The following SUPT5H variants were observed in gnomAD, a reference collection of about 807,000 sequenced individuals.
SUPT5H encodes the protein transcription elongation factor SPT5.
Under a neutral mutation model 142.5 loss-of-function variants are expected in SUPT5H, and 24 were observed. That is an observed-to-expected ratio of 0.17 (90% CI 0.12 to 0.24). The LOEUF is 0.24. SUPT5H is among the 10% of genes least tolerant of loss of function. SUPT5H has a pLI of 1.00. For synonymous variants in SUPT5H, 546 were observed against 553.0 expected (o/e 0.99, Z 0.18); for missense variants, 893 against 1,471.8 (o/e 0.61, Z 6.43).
intron 2 of SUPT5H, among the ~76,000 whole-genome samples, chr19:39,449,025 G>A (rs58884220): frequency 0.52 from 73,082 of 141,144 alleles, 24,434 homozygotes; most frequent in African/African-American, 0.7. Flanking sequence ...AGGAGACAGA[G>A]CTTGCAGTGA....
intron 20 of SUPT5H, 54 bp downstream of exon 20, chr19:39,471,784 A>G: frequency 6.3e-7 from 1 of 1,577,454 alleles, no homozygotes; most frequent in Non-Finnish European, 8.6e-7. Flanking sequence ...CAGCTCTCCA[A>G]GCCTCCTCTG....
Position 39,470,505 on chromosome 19 carries a change from A to C in SUPT5H, c.1659A>C (p.Leu553=). The change falls in exon 18 of 30, where the codon CTA becomes CTC. Residue 553 remains leucine, a synonymous_variant. Coordinates refer to ENST00000432763, the MANE Select transcript of SUPT5H (RefSeq NM_001111020.3). This position sits in a 1 kb window ranked among gnomAD's most constrained non-coding sequence, Gnocchi z 5.8. ...AGACTGTGGGTGTCATCGTGCGACTAGAACGGGAGACCTTCCAGGTGTGTG... is the reference window on the plus strand; with the variant it reads ...AGACTGTGGGTGTCATCGTGCGACTCGAACGGGAGACCTTCCAGGTGTGTG... ...DPQTVGVIVR[L]ERETFQVLNM... The C allele has an allele frequency of 6.4e-7, 1 of 1,573,486 alleles. No individual in the cohort carries two copies. Among genetic ancestry groups the C allele is most frequent in the South Asian group, 1.2e-5 (1 of 84,644 alleles).
chr19:39,474,744 G>A lies in SUPT5H; in HGVS notation c.3024+26G>A, dbSNP rs753560882. On this transcript the variant is annotated intron_variant, in intron 28 of 29. Transcript: ENST00000432763. This position sits in a 1 kb window ranked among gnomAD's most constrained non-coding sequence, Gnocchi z 6.5. Reference sequence around the variant, plus strand: ...GTACGTGGGGCCCAGGGTGGTGGGTGAGCAGGCATCCTCTCCTTGGTACCC... The same window carrying A: ...GTACGTGGGGCCCAGGGTGGTGGGTAAGCAGGCATCCTCTCCTTGGTACCC... The A allele has an allele frequency of 8.8e-6, 14 of 1,587,956 alleles. No individual in the cohort carries two copies. The Admixed American group carries it at 2.5e-4, about 29-fold the overall frequency.
intron 28 of SUPT5H, among the ~76,000 whole-genome samples, chr19:39,475,566 G>C (rs2079393701): frequency 6.6e-6 from 1 of 152,080 alleles, no homozygotes; most frequent in African/African-American, 2.4e-5. Context: ...TGATGGATTG[G>C]GGGTGGGGAG....
chr19:39,458,035 C>A lies in SUPT5H; in HGVS notation c.308-259C>A. Reference sequence around the variant, plus strand: ...GGCGAGCTCTGTCCCAAGATACCCCCCACTTCCTGGGCCAGTGCCCCCCTT... The same window carrying A: ...GGCGAGCTCTGTCCCAAGATACCCCACACTTCCTGGGCCAGTGCCCCCCTT... On this transcript the variant is annotated intron_variant, in intron 4 of 29. Transcript: ENST00000432763. This position sits in a 1 kb window ranked among gnomAD's most constrained non-coding sequence, Gnocchi z 4.2. The A allele has an allele frequency of 1.4e-6, 1 of 729,088 alleles. No individual in the cohort carries two copies. Among genetic ancestry groups the A allele is most frequent in the Non-Finnish European group, 2.2e-6 (1 of 445,626 alleles). The allele number at this position is 729,088 out of a possible 1,614,324, so 45.2% of individuals were successfully genotyped here. A position where few individuals can be genotyped will look rare whatever the true frequency, so the allele number is the denominator to read the frequency against.
At chr19:39,454,358 T>A (rs979369251) in intron 3 of SUPT5H, among the ~76,000 whole-genome samples, 1 of 27,186 alleles carries the variant, frequency 3.7e-5, no homozygotes, top group African/African-American at 2.5e-4. Flanking sequence ...TTGTCGTTGT[T>A]TTTTTTTTTT....
intron 2 of SUPT5H, among the ~76,000 whole-genome samples, chr19:39,448,250 T>G (rs956570013): frequency 5.3e-5 from 8 of 152,226 alleles, no homozygotes; most frequent in Non-Finnish European, 1.0e-4. Context: ...CAGTCACTTA[T>G]GTTGCCTGCT....
At position 39,474,801 on chromosome 19, in the gene SUPT5H, G is replaced by A; in HGVS notation, c.3024+83G>A. On this transcript the variant is annotated intron_variant, in intron 28 of 29. Transcript: ENST00000432763. This position sits in a 1 kb window ranked among gnomAD's most constrained non-coding sequence, Gnocchi z 6.5. ...CTGGAGACAGACCTGTCCCCAGATGGTGACAGCCCAGAGTGGGCAGAGCTG... is the reference window on the plus strand; with the variant it reads ...CTGGAGACAGACCTGTCCCCAGATGATGACAGCCCAGAGTGGGCAGAGCTG... 4 of 1,453,502 alleles carry A rather than the reference G, an allele frequency of 2.8e-6. No individual in the cohort carries two copies. Among genetic ancestry groups the A allele is most frequent in the Non-Finnish European group, 3.7e-6 (4 of 1,067,736 alleles). The allele number at this position is 1,453,502 out of a possible 1,614,324, so 90.0% of individuals were successfully genotyped here. A position where few individuals can be genotyped will look rare whatever the true frequency, so the allele number is the denominator to read the frequency against.
chr19:39,461,261 G>A (rs2079157376), intron 10 of SUPT5H, among the ~76,000 whole-genome samples: 1 of 152,090 alleles, frequency 6.6e-6, no homozygotes, highest in African/African-American at 2.4e-5. Context: ...TTGCACTCCA[G>A]CCTGGGCGAC....
chr19:39,447,168 C>T (rs1426606936), intron 2 of SUPT5H, among the ~76,000 whole-genome samples: 1 of 152,116 alleles, frequency 6.6e-6, no homozygotes, highest in Non-Finnish European at 1.5e-5. Flanking sequence ...GTCTCCCCAC[C>T]ACCCCCTAAA....
chr19:39,453,634 A>G (rs553273073), intron 3 of SUPT5H, 113 bp downstream of exon 3: 13 of 1,297,754 alleles, frequency 1.0e-5, no homozygotes, highest in Non-Finnish European at 1.3e-5. Flanking sequence ...GCTGGAGTGC[A>G]GTAGCATGAA....
chr19:39,462,943 G>A (rs2079184356), intron 10 of SUPT5H, among the ~76,000 whole-genome samples: 1 of 145,890 alleles, frequency 6.9e-6, no homozygotes, highest in South Asian at 2.2e-4. Flanking sequence ...GGGTTCAAGC[G>A]ATTCTCCTGC....
At chr19:39,463,006 A>ATTTTTTTTTTT (rs34217986) in intron 10 of SUPT5H, among the ~76,000 whole-genome samples, 1 of 103,086 alleles carries the variant, frequency 9.7e-6, no homozygotes, top group Non-Finnish European at 1.9e-5. Context: ...TGCCCAGCTA[A>ATTTTTTTTTTT]TTTTTTTTTT....
chr19:39,472,538 T>A lies in SUPT5H; in HGVS notation c.2035+45T>A. ...AGGGGATGTGGTGGGTAGAAGGGGCTGGAAGGAACTTGGTTGTTCAGCCTA... is the reference window on the plus strand; with the variant it reads ...AGGGGATGTGGTGGGTAGAAGGGGCAGGAAGGAACTTGGTTGTTCAGCCTA... On this transcript the variant is annotated intron_variant, in intron 21 of 29. Coordinates refer to ENST00000432763, the MANE Select transcript of SUPT5H (RefSeq NM_001111020.3). This position sits in a 1 kb window ranked among gnomAD's most constrained non-coding sequence, Gnocchi z 4.2. 1.2e-6 allele frequency: 2 copies of A among 1,603,010 alleles called. No individual in the cohort carries two copies. The highest frequency in any genetic ancestry group is 1.7e-6 in the Non-Finnish European group (2 of 1,171,110).
Position 39,446,180 on chromosome 19 carries a change from A to G in SUPT5H, c.75+215A>G, listed in dbSNP as rs200320279. Among the ~76,000 whole-genome samples the G allele has an allele frequency of 1.1e-4, 17 of 152,230 alleles. No homozygotes were observed. The East Asian group carries it at 3.3e-3, about 29-fold the overall frequency. The stretch of plus-strand genomic sequence containing the variant: ...GTCAGGTCCAGTGAGATAACAGGTG[A>G]TGTTTTGAAAGTTTACTCTGTGTGC... On this transcript the variant is annotated intron_variant, in intron 2 of 29. Transcript: ENST00000432763.
At chr19:39,455,028 C>G (rs142387408) in intron 3 of SUPT5H, among the ~76,000 whole-genome samples, 1 of 152,280 alleles carries the variant, frequency 6.6e-6, no homozygotes, top group Non-Finnish European at 1.5e-5. Context: ...CAAGCAGTTC[C>G]TCTTTAGAAT....
intron 10 of SUPT5H, among the ~76,000 whole-genome samples, chr19:39,461,550 C>T (rs1412015335): frequency 2.0e-5 from 3 of 151,654 alleles, no homozygotes; most frequent in Non-Finnish European, 4.4e-5. Context: ...AGGCCGGGCG[C>T]GGTGGCTCAC....
In SUPT5H at chr19:39,469,309, T is replaced by G; in HGVS notation, c.1285T>G (p.Cys429Gly). Reference protein sequence around the residue: ...NFQPGDNVEVCEGELINLQGK... With the variant: ...NFQPGDNVEVGEGELINLQGK... ...CCAACCTGGGGACAACGTGGAGGTC[T>G]GTGAGGGTGAGCTCATCAACCTGCA... The change falls in exon 16 of 30, where the codon TGT becomes GGT. Residue 429 changes from cysteine (C) to glycine (G), a missense_variant. Transcript: ENST00000432763. This position sits in a 1 kb window ranked among gnomAD's most constrained non-coding sequence, Gnocchi z 5.1. 6.2e-7 allele frequency: 1 copy of G among 1,614,150 alleles called. No homozygotes were observed. The highest frequency in any genetic ancestry group is 8.5e-7 in the Non-Finnish European group (1 of 1,180,022).
In SUPT5H at chr19:39,458,263, C is replaced by T. The variant is rs1359246466; in HGVS notation, c.308-31C>T. ...CCACCACCACCACCACCACCACCAC[C>T]ACCACCACCACCTCCTCTTCCTCCA... On this transcript the variant is annotated intron_variant, in intron 4 of 29. Coordinates refer to ENST00000432763, the MANE Select transcript of SUPT5H (RefSeq NM_001111020.3). The surrounding 1 kb of genome is among the most constrained non-coding windows in gnomAD (Gnocchi z 4.2). The T allele has an allele frequency of 6.3e-7, 1 of 1,596,248 alleles. No homozygotes were observed. The highest frequency in any genetic ancestry group is 2.2e-5 in the East Asian group (1 of 44,796).
Sources: allele counts gnomAD v4.1 joint callset (sites outside exome capture counted in the v4.1 genomes callset), GRCh38; gene constraint gnomAD v4.1.1; non-coding constraint Gnocchi (gnomAD v3.1); transcripts MANE v1.5; gene names NCBI Gene and HGNC (gene_info 2026-07-23, HGNC 2026-07-21).